Variants in RGS5 observed in about 807,000 individuals in gnomAD.
RGS5 encodes regulator of G protein signaling 5.
RGS5 carries 20 observed loss-of-function variants against 18.9 expected under a neutral mutation model. The observed-to-expected ratio is 1.06, with a 90% CI of 0.74 to 1.54. The LOEUF (loss-of-function observed/expected upper bound fraction) is 1.54. Among genes scored for constraint, RGS5 ranks in the 40% most tolerant of loss-of-function variants. The pLI is 0.00. For synonymous variants in RGS5, 57 were observed against 76.2 expected, an observed-to-expected ratio of 0.75 and a Z score of 1.31; for missense variants, 201 against 211.8, an observed-to-expected ratio of 0.95 and a Z score of 0.32.
chr1:163,262,165 TTTTTA>T (rs1190656290), intron 2 of RGS5, among the ~76,000 whole-genome samples: 10 of 147,096 alleles, frequency 6.8e-5, no homozygotes, highest in African/African-American at 2.3e-4. Context: ...TTTTTTTTTT[TTTTTA>T]TTATACTCTA....
chr1:163,153,475 G>A (rs918949581), intron 3 of RGS5, among the ~76,000 whole-genome samples: 1 of 152,012 alleles, frequency 6.6e-6, no homozygotes, highest in East Asian at 1.9e-4. Context: ...GCCAGATGAA[G>A]TTACCCCATG....
At chr1:163,237,588 G>A (rs981532157) in intron 2 of RGS5, 6 of 152,344 alleles carry the variant, frequency 3.9e-5, no homozygotes, top group African/African-American at 1.4e-4. Context: ...GGGAGGCTGA[G>A]GCAAGAGAAT....
At chr1:163,152,405 T>C (rs1657408187) in intron 4 of RGS5, 145 bp downstream of exon 4, 1 of 778,736 alleles carries the variant, frequency 1.3e-6, no homozygotes, top group Non-Finnish European at 2.0e-6. Context: ...GCTCTGCCTT[T>C]GTACTCAATA....
intron 2 of RGS5, among the ~76,000 whole-genome samples, chr1:163,266,324 C>A (rs1018753107): frequency 1.3e-5 from 2 of 152,124 alleles, no homozygotes; most frequent in African/African-American, 4.8e-5. Context: ...CCACTACTAC[C>A]TACTTAGTTC....
At chr1:163,191,791 ATAAGGG>A (rs1260755919) in intron 1 of RGS5, among the ~76,000 whole-genome samples, 1 of 152,154 alleles carries the variant, frequency 6.6e-6, no homozygotes, top group East Asian at 1.9e-4. Flanking sequence ...GGCCTCCTGG[ATAAGGG>A]TTGGTCACTA....
chr1:163,172,636 A>T, intron 1 of RGS5: 1 of 1,546,892 alleles, frequency 6.5e-7, no homozygotes, highest in Non-Finnish European at 8.7e-7. Context: ...TTTGGAAAAC[A>T]CTTCTTTCTA....
intron 3 of RGS5, among the ~76,000 whole-genome samples, chr1:163,158,292 G>A (rs1657665482): frequency 6.6e-6 from 1 of 152,050 alleles, no homozygotes; most frequent in African/African-American, 2.4e-5. Context: ...AGAAGCAAAG[G>A]GCAAAGACAG....
At chr1:163,168,037 T>C (rs1231790889) in intron 2 of RGS5, among the ~76,000 whole-genome samples, 2 of 152,174 alleles carry the variant, frequency 1.3e-5, no homozygotes, top group African/African-American at 4.8e-5. Flanking sequence ...AGTCTTATCT[T>C]TTATTTTTTA....
intron 2 of RGS5, among the ~76,000 whole-genome samples, chr1:163,286,524 C>T (rs868258827): frequency 1.3e-5 from 2 of 151,554 alleles, no homozygotes; most frequent in South Asian, 4.2e-4. Flanking sequence ...TGATGTCATT[C>T]GTCTATTTTA....
chr1:163,185,303 G>A (rs543743417), intron 1 of RGS5, among the ~76,000 whole-genome samples: 171 of 152,150 alleles, frequency 1.1e-3, no homozygotes, highest in Non-Finnish European at 1.9e-3. Context: ...TGGGAGTCAT[G>A]GCTGCTTTTT....
intron 2 of RGS5, among the ~76,000 whole-genome samples, chr1:163,283,803 T>C (rs1244836120): frequency 2.6e-5 from 4 of 152,286 alleles, no homozygotes; most frequent in Non-Finnish European, 5.9e-5. Context: ...TAAGAGCTAA[T>C]AAGAAGCCAA....
chr1:163,180,268 G>T lies in RGS5; in HGVS notation c.45-11900C>A, dbSNP rs540290333. Among the ~76,000 whole-genome samples the T allele has an allele frequency of 7.9e-4, 120 of 152,244 alleles. 1 individual carries two copies. Among genetic ancestry groups the T allele is most frequent in the Non-Finnish European group, 1.5e-3 (103 of 68,012 alleles). ...TGGAATTACAGGTGTGAACCGCTGC[G>T]CCCAGACAAGGAAATCCTGTTAAAT... is the stretch of plus-strand genomic sequence containing the variant. On this transcript the variant is annotated intron_variant, in intron 1 of 4. Coordinates refer to ENST00000313961, the MANE Select transcript of RGS5 (RefSeq NM_003617.4).
At chr1:163,167,981 G>C (rs1173413839) in intron 2 of RGS5, among the ~76,000 whole-genome samples, 2 of 151,982 alleles carry the variant, frequency 1.3e-5, no homozygotes, top group African/African-American at 4.8e-5. Flanking sequence ...TTATAAGTAT[G>C]GTCTGTCTAT....
chr1:163,280,096 A>G (rs1339393788), intron 2 of RGS5, among the ~76,000 whole-genome samples: 1 of 152,118 alleles, frequency 6.6e-6, no homozygotes. Flanking sequence ...AAGAACTAAT[A>G]CCAATTCTTC....
At chr1:163,162,033 T>G in intron 2 of RGS5, 57 bp from the exon 3 acceptor site, 1 of 1,162,382 alleles carries the variant, frequency 8.6e-7, no homozygotes, top group Admixed American at 1.7e-5. Flanking sequence ...TTGAACCACA[T>G]GTACCAGCAA....
intron 1 of RGS5, among the ~76,000 whole-genome samples, chr1:163,191,828 G>C (rs1327710624): frequency 6.6e-6 from 1 of 152,138 alleles, no homozygotes; most frequent in Non-Finnish European, 1.5e-5. Flanking sequence ...ACTATGATGA[G>C]AAGCTTGGAG....
intron 1 of RGS5, among the ~76,000 whole-genome samples, chr1:163,195,193 T>G (rs187373218): frequency 6.6e-6 from 1 of 152,136 alleles, no homozygotes; most frequent in Non-Finnish European, 1.5e-5. Context: ...TACGTGCCCA[T>G]CGACCAGTGA....
chr1:163,189,090 G>C (rs115933425), intron 1 of RGS5, among the ~76,000 whole-genome samples: 4 of 152,118 alleles, frequency 2.6e-5, no homozygotes, highest in Non-Finnish European at 1.5e-5. Flanking sequence ...TGCAGGCCAC[G>C]TGGGACTGTC....
At chr1:163,162,052 T>C in intron 2 of RGS5, 76 bp from the exon 3 acceptor site, 1 of 957,262 alleles carries the variant, frequency 1.0e-6, no homozygotes, top group Non-Finnish European at 1.7e-6. Context: ...AATAACTACT[T>C]CCTGTTTCTC....
Sources: allele counts gnomAD v4.1 joint callset (sites outside exome capture counted in the v4.1 genomes callset), GRCh38; gene constraint gnomAD v4.1.1; transcripts MANE v1.5; gene names NCBI Gene and HGNC (gene_info 2026-07-23, HGNC 2026-07-21).